The following ARID3A variants were observed in gnomAD, a reference collection of about 807,000 sequenced individuals.
ARID3A encodes the protein AT-rich interactive domain-containing protein 3A.
A neutral mutation model predicts 52.7 loss-of-function variants in ARID3A; 11 were observed. That is an observed-to-expected ratio of 0.21 (90% CI 0.13 to 0.35). ARID3A has a LOEUF of 0.35. Ranked by LOEUF, ARID3A falls within the 10% of genes least tolerant of loss-of-function variation. The pLI is 1.00. For missense variants in ARID3A, 721 were observed against 838.5 expected, an observed-to-expected ratio of 0.86 and a Z score of 1.73; for synonymous variants, 404 against 359.4, an observed-to-expected ratio of 1.12 and a Z score of -1.40.
At chr19:930,562 T>A (rs1599380689) in intron 2 of ARID3A, among the ~76,000 whole-genome samples, 2 of 145,508 alleles carry the variant, frequency 1.4e-5, no homozygotes, top group Admixed American at 1.4e-4. Context: ...CAGGCTGGAG[T>A]GCAGTGGCGT....
chr19:927,050 C>A (rs1288728287), intron 1 of ARID3A, among the ~76,000 whole-genome samples: 1 of 152,150 alleles, frequency 6.6e-6, no homozygotes, highest in Non-Finnish European at 1.5e-5. Context: ...CCGCCCCTCC[C>A]CCTCCTCTTC....
At chr19:957,195 G>A (rs1344161720) in intron 3 of ARID3A, among the ~76,000 whole-genome samples, 1 of 152,160 alleles carries the variant, frequency 6.6e-6, no homozygotes, top group East Asian at 1.9e-4. Flanking sequence ...TCCGGGGCCT[G>A]GTGATCTTCT....
At chr19:958,466 A>C (rs1289656472) in intron 3 of ARID3A, among the ~76,000 whole-genome samples, 1 of 151,632 alleles carries the variant, frequency 6.6e-6, no homozygotes, top group African/African-American at 2.4e-5. Context: ...AAAGAAAAGA[A>C]GAGGACAGGT....
chr19:975,736 G>GAA lies in ARID3A; in HGVS notation c.*3685_*3686dup, dbSNP rs200120532. On this transcript the variant is annotated 3_prime_UTR_variant, in exon 9 of 9. Coordinates refer to ENST00000263620, the MANE Select transcript of ARID3A (RefSeq NM_005224.3). ...TCGCAGAACATTCAGGTATTAAAAG[G>GAA]AAAAAAAAAAAAAAAGACAAAAAGA... 13 of 93,290 alleles carry GAA rather than the reference G, an allele frequency of 1.4e-4. No individual in the cohort carries two copies. Among genetic ancestry groups the GAA allele is most frequent in the East Asian group, 2.6e-4 (2 of 7,566 alleles). The allele number at this position is 93,290 out of a possible 1,614,324, so 5.8% of individuals were successfully genotyped here.
intron 3 of ARID3A, among the ~76,000 whole-genome samples, chr19:955,295 C>T (rs985957841): frequency 4.6e-5 from 7 of 152,188 alleles, no homozygotes; most frequent in Admixed American, 3.3e-4. Flanking sequence ...GGCCAGAGAC[C>T]CATAAAGCCC....
rs140013157 is a variant in ARID3A, at chr19:969,670, G to GAT, written c.1594+1181_1594+1182dup. Among the ~76,000 whole-genome samples, 3 of 147,540 alleles carry GAT rather than the reference G, an allele frequency of 2.0e-5. No individual in the cohort carries two copies. In the Admixed American group the frequency reaches 2.0e-4, roughly 10 times the overall value. On this transcript the variant is annotated intron_variant, in intron 8 of 8. Coordinates refer to ENST00000263620, the MANE Select transcript of ARID3A (RefSeq NM_005224.3). Reference sequence around the variant, plus strand: ...ATACTTTTATATCTATATCTACATAGATATATATATATATAGTTGTTTTTT... The same window carrying GAT: ...ATACTTTTATATCTATATCTACATAGATATATATATATATATAGTTGTTTTTT...
rs1300642059 is a variant in ARID3A at position 959,791 on chromosome 19, A to G, written c.694-301A>G. Among the ~76,000 whole-genome samples the G allele has an allele frequency of 6.6e-6, 1 of 152,082 alleles. No individual in the cohort carries two copies. Among genetic ancestry groups the G allele is most frequent in the Non-Finnish European group, 1.5e-5 (1 of 67,998 alleles). On this transcript the variant is annotated intron_variant, in intron 3 of 8. Transcript: ENST00000263620. The surrounding 1 kb of genome is among the most constrained non-coding windows in gnomAD (Gnocchi z 5.0). ...GCGCTGCGGCCACAAGCCAGGACGCACCTTGATCTGGGGTTCCCGGGCCCC... is the reference window on the plus strand; with the variant it reads ...GCGCTGCGGCCACAAGCCAGGACGCGCCTTGATCTGGGGTTCCCGGGCCCC...
intron 1 of ARID3A, among the ~76,000 whole-genome samples, chr19:926,288 C>T (rs2145332039): frequency 6.6e-6 from 1 of 151,886 alleles, no homozygotes; most frequent in East Asian, 2.0e-4. Flanking sequence ...AAGGGGGTCC[C>T]CAAAGTTGGG....
At chr19:930,655 G>T (rs918359275) in intron 2 of ARID3A, among the ~76,000 whole-genome samples, 32 of 149,754 alleles carry the variant, frequency 2.1e-4, no homozygotes, top group Admixed American at 9.3e-4. Flanking sequence ...GACTACAGGC[G>T]CCCGCCACCA....
chr19:933,200 A>G lies in ARID3A; in HGVS notation c.693+458A>G, dbSNP rs116785032. ...TGGGGGGTTGCGGGCTGCAGCTGGCAGCCGAGGGGATGTGGGGGTGGCTCA... is the reference window on the plus strand; with the variant it reads ...TGGGGGGTTGCGGGCTGCAGCTGGCGGCCGAGGGGATGTGGGGGTGGCTCA... On this transcript the variant is annotated intron_variant, in intron 3 of 8. Coordinates refer to ENST00000263620, the MANE Select transcript of ARID3A (RefSeq NM_005224.3). 5.9e-3 allele frequency among the ~76,000 whole-genome samples: 895 copies of G among 152,164 alleles called. 7 individuals carry two copies. The highest frequency in any genetic ancestry group is 0.021 in the African/African-American group (871 of 41,502).
Position 930,511 on chromosome 19 carries a change from GT to G in ARID3A, c.368+631del, listed in dbSNP as rs79154229. Among the ~76,000 whole-genome samples, 975 of 134,816 alleles carry G rather than the reference GT, an allele frequency of 7.2e-3. 7 individuals carry two copies. Among genetic ancestry groups the G allele is most frequent in the Admixed American group, 0.011 (151 of 13,582 alleles). 88.4% of individuals were successfully genotyped at this position (134,816 alleles called of 152,430 possible). A position where few individuals can be genotyped will look rare whatever the true frequency, so the allele number is the denominator to read the frequency against. On this transcript the variant is annotated intron_variant, in intron 2 of 8. Coordinates refer to ENST00000263620, the MANE Select transcript of ARID3A (RefSeq NM_005224.3). ...AGATTGCAGTGAGCCAAGAATGTGG[GT>G]TTTTTTTTTTTTTTTAGACAGAGTC...
rs373978490 is a variant in ARID3A, at chr19:959,605, C to T, written c.694-487C>T. On this transcript the variant is annotated intron_variant, in intron 3 of 8. Transcript: ENST00000263620. The surrounding 1 kb of genome is among the most constrained non-coding windows in gnomAD (Gnocchi z 5.0). ...TTTGGACTTCTGGGCTCCGGGACCG[C>T]GGGAGAATAGATTTCTGTTGCTTTA... is the stretch of plus-strand genomic sequence containing the variant. Among the ~76,000 whole-genome samples, 1 of 152,090 alleles carries T rather than the reference C, an allele frequency of 6.6e-6. No individual in the cohort carries two copies. Among genetic ancestry groups the T allele is most frequent in the Non-Finnish European group, 1.5e-5 (1 of 68,000 alleles).
At chr19:930,786 G>A (rs1195795261) in intron 2 of ARID3A, among the ~76,000 whole-genome samples, 2 of 151,478 alleles carry the variant, frequency 1.3e-5, no homozygotes, top group Non-Finnish European at 1.5e-5. Flanking sequence ...TGGGATTACA[G>A]GCGTGAGCCA....
Position 964,919 on chromosome 19 carries a change from G to A in ARID3A, c.1037G>A (p.Arg346Gln). The stretch of plus-strand genomic sequence containing the variant: ...CTCCAGGCAGCCATAGACAGCAACC[G>A]ACGGGAGGGCCGGCGCCAGAGCTTT... ...NELQAAIDSN[R>Q]REGRRQSFGG... Residue 346 changes from arginine (R) to glutamine (Q), a missense_variant, in exon 6 of 9, where the codon CGA becomes CAA. Physicochemically the swap from Arg to Gln is conservative, Grantham distance 43 (BLOSUM62 1). This residue lies in a region of ARID3A where 43 missense variants were observed against 143.7 expected (regional missense o/e 0.30). Transcript: ENST00000263620. This position sits in a 1 kb window ranked among gnomAD's most constrained non-coding sequence, Gnocchi z 5.7. The A allele has an allele frequency of 6.2e-7, 1 of 1,613,992 alleles. No individual in the cohort carries two copies.
intron 3 of ARID3A, among the ~76,000 whole-genome samples, chr19:953,523 C>T (rs949144378): frequency 2.0e-4 from 30 of 152,092 alleles, no homozygotes; most frequent in Admixed American, 1.8e-3. Context: ...GGGGCCACAG[C>T]GTCTTCCCTC....
In ARID3A at chr19:953,770, G is replaced by A. The variant is rs529499054; in HGVS notation, c.694-6322G>A. On this transcript the variant is annotated intron_variant, in intron 3 of 8. Transcript: ENST00000263620. The stretch of plus-strand genomic sequence containing the variant: ...GAGGCCCTGGGGTGGGGGCCTGTGC[G>A]TTTTACATAGAAAGACGCCAAGGCT... Among the ~76,000 whole-genome samples, 7 of 152,210 alleles carry A rather than the reference G, an allele frequency of 4.6e-5. No individual in the cohort carries two copies. In the South Asian group the frequency reaches 1.0e-3, roughly 23 times the overall value.
At chr19:966,422 C>A (rs1401384421) in intron 6 of ARID3A, 150 bp from the exon 7 acceptor site, 1 of 649,208 alleles carries the variant, frequency 1.5e-6, no homozygotes, top group African/African-American at 1.9e-5. Flanking sequence ...CGCACCATTG[C>A]ACTCCAGCCT....
At position 959,670 on chromosome 19, in the gene ARID3A, T is replaced by G. The variant is rs756998898; in HGVS notation, c.694-422T>G. ...GCTGTAAGGGAGTTAAGGATCGATT[T>G]GAGATGAGGTGGCCCTAAAACCAGC... On this transcript the variant is annotated intron_variant, in intron 3 of 8. Transcript: ENST00000263620. The surrounding 1 kb of genome is among the most constrained non-coding windows in gnomAD (Gnocchi z 5.0). Among the ~76,000 whole-genome samples the G allele has an allele frequency of 1.4e-4, 21 of 152,104 alleles. No individual in the cohort carries two copies. Among genetic ancestry groups the G allele is most frequent in the Non-Finnish European group, 2.8e-4 (19 of 68,016 alleles).
At chr19:948,772 C>T (rs2037740594) in intron 3 of ARID3A, among the ~76,000 whole-genome samples, 1 of 146,284 alleles carries the variant, frequency 6.8e-6, no homozygotes, top group African/African-American at 2.5e-5. Context: ...TGCAGTGGCA[C>T]GATCTCAGCT....
Sources: gnomAD v4.1 joint callset for allele counts (sites outside exome capture counted in the v4.1 genomes callset) on GRCh38, gnomAD v4.1.1 for gene constraint, gnomAD v4.1.1 regional missense constraint, Gnocchi (gnomAD v3.1) non-coding constraint, MANE v1.5 for transcripts, NCBI Gene and HGNC (gene_info 2026-07-23, HGNC 2026-07-21) for gene names.